The following OAS1 variants were observed in gnomAD, a reference collection of about 807,000 sequenced individuals.
The protein encoded by OAS1 is 2'-5'-oligoadenylate synthase 1.
OAS1 carries 24 observed loss-of-function variants against 38.5 expected under a neutral mutation model. The ratio of observed to expected loss-of-function variants is 0.62; its 90% confidence interval spans 0.45 to 0.88. The LOEUF (loss-of-function observed/expected upper bound fraction) is 0.88, where lower values mean the gene tolerates loss of function less well. Among genes scored for constraint, OAS1 ranks in the 40% least tolerant of loss-of-function variants. OAS1 has a pLI of 0.00. For synonymous variants in OAS1, 169 were observed against 193.9 expected (o/e 0.87, Z 1.07); for missense variants, 482 against 493.9 (o/e 0.98, Z 0.23).
At chr12:112,926,375 C>T (rs2043557999) in intron 6 of OAS1, among the ~76,000 whole-genome samples, 1 of 152,106 alleles carries the variant, frequency 6.6e-6, no homozygotes, top group Non-Finnish European at 1.5e-5. Context: ...GGAAACCAGC[C>T]CCCGATATTT....
intron 3 of OAS1, 97 bp downstream of exon 3, chr12:112,911,332 G>C: frequency 1.0e-6 from 1 of 955,122 alleles, no homozygotes; most frequent in Admixed American, 2.8e-5. Context: ...GGGAAGAGGA[G>C]GGGGAGTGGT....
intron 6 of OAS1, among the ~76,000 whole-genome samples, chr12:112,929,858 G>A (rs1362668852): frequency 6.6e-6 from 1 of 152,182 alleles, no homozygotes; most frequent in African/African-American, 2.4e-5. Flanking sequence ...AGTGTGCGTG[G>A]CCTTGCCTTG....
chr12:112,919,547 C>T lies in OAS1; in HGVS notation c.1197C>T (p.Ile399=), dbSNP rs1019690658. 6.2e-7 allele frequency: 1 copy of T among 1,614,214 alleles called. No homozygotes were observed. Among genetic ancestry groups the T allele is most frequent in the Non-Finnish European group, 8.5e-7 (1 of 1,180,032 alleles). ...CAGAAGAGGACTGGACCTGCACCAT[C>T]CTCTGAATGCCAGTGCATCTTGGGG... The part of the protein sequence containing the change: ...PQAEEDWTCT[I]L Residue 399 remains isoleucine, a synonymous_variant, in exon 6 of 6, where the codon ATC becomes ATT. Transcript: ENST00000202917.
intron 3 of OAS1, among the ~76,000 whole-genome samples, chr12:112,911,649 C>A (rs1033472746): frequency 6.6e-6 from 1 of 152,136 alleles, no homozygotes; most frequent in East Asian, 1.9e-4. Flanking sequence ...GTTCAGATGC[C>A]CTTTCCTCCC....
At chr12:112,912,375 T>A (rs2043396441) in intron 3 of OAS1, among the ~76,000 whole-genome samples, 1 of 152,144 alleles carries the variant, frequency 6.6e-6, no homozygotes, top group African/African-American at 2.4e-5. Context: ...AAAACTCGAA[T>A]TTGGGTCTAT....
At chr12:112,914,736 T>G (rs1387880771) in intron 3 of OAS1, among the ~76,000 whole-genome samples, 4 of 150,242 alleles carry the variant, frequency 2.7e-5, no homozygotes, top group African/African-American at 7.4e-5. Flanking sequence ...ATTTGTTTTT[T>G]TTTTTTTTTT....
At chr12:112,920,774 C>G (rs907465540), downstream of OAS1, among the ~76,000 whole-genome samples, 10 of 152,308 alleles carry the variant, frequency 6.6e-5, no homozygotes, top group Admixed American at 4.6e-4. Context: ...GGCTGGTAAG[C>G]AGCCTTTGGT....
rs774396349 is a variant in OAS1, at chr12:112,919,451, C to A, written c.1101C>A (p.Tyr367Ter). 1.2e-6 allele frequency: 2 copies of A among 1,614,076 alleles called. No individual in the cohort carries two copies. Among genetic ancestry groups the A allele is most frequent in the East Asian group, 4.5e-5 (2 of 44,898 alleles). ...DDPRRYQKYGYIGTHEYPHFS... is the reference protein window; with the variant it reads ...DDPRRYQKYG Reference sequence around the variant, plus strand: ...CCAGGAGGTATCAGAAATATGGTTACATTGGAACACATGAGTACCCTCATT... The same window carrying A: ...CCAGGAGGTATCAGAAATATGGTTAAATTGGAACACATGAGTACCCTCATT... Residue 367 changes from tyrosine to a stop codon, truncating the protein, a stop_gained, in exon 6 of 6, where the codon TAC becomes TAA. Coordinates refer to ENST00000202917, the MANE Select transcript of OAS1 (RefSeq NM_016816.4). LOFTEE classifies it low-confidence loss of function (END_TRUNC).
exon 7 of OAS1, chr12:112,932,015 A>G (rs1428281856): frequency 1.5e-6 from 1 of 680,574 alleles, no homozygotes; most frequent in South Asian, 1.6e-5. Flanking sequence ...AGCAAGGAAA[A>G]CCTTCAATAA....
At chr12:112,908,386 G>A in intron 1 of OAS1, 150 bp from the exon 2 acceptor site, 1 of 680,514 alleles carries the variant, frequency 1.5e-6, no homozygotes, top group Non-Finnish European at 2.4e-6. Flanking sequence ...CCAAATCATA[G>A]CATCATTGTG....
At chr12:112,908,445 T>A (rs1167101839) in intron 1 of OAS1, 91 bp from the exon 2 acceptor site, 5 of 1,228,950 alleles carry the variant, frequency 4.1e-6, no homozygotes, top group Non-Finnish European at 4.5e-6. Flanking sequence ...CAGTGGCTAG[T>A]GCTCCATAAT....
intron 5 of OAS1, 117 bp downstream of exon 5, chr12:112,917,817 A>G: frequency 6.2e-7 from 1 of 1,608,956 alleles, no homozygotes; most frequent in Non-Finnish European, 8.5e-7. Context: ...GGCCATTTAT[A>G]TTCATATAGT....
At chr12:112,917,761 A>T in intron 5 of OAS1, 61 bp downstream of exon 5, 3 of 1,614,162 alleles carry the variant, frequency 1.9e-6, no homozygotes, top group Non-Finnish European at 2.5e-6. Flanking sequence ...AGCTTGAGAC[A>T]TATAGCTGGA....
Position 112,908,668 on chromosome 12 carries a change from C to T in OAS1, c.313C>T (p.Gln105Ter). The T allele has an allele frequency of 1.9e-6, 3 of 1,614,208 alleles. No homozygotes were observed. The highest frequency in any genetic ancestry group is 1.7e-6 in the Non-Finnish European group (2 of 1,180,040). ...RGEFIQEIRR[Q>*]LEACQRERAF... is the part of the protein sequence containing the mutation. The stretch of plus-strand genomic sequence containing the variant: ...AGAGTTCATCCAGGAAATTAGGAGA[C>T]AGCTGGAAGCCTGTCAAAGAGAGAG... Residue 105 changes from glutamine to a stop codon, truncating the protein, a stop_gained, in exon 2 of 6, where the codon CAG becomes TAG. Coordinates refer to ENST00000202917, the MANE Select transcript of OAS1 (RefSeq NM_016816.4). LOFTEE classifies it high-confidence loss of function.
chr12:112,919,992 A>C (rs1317124429), downstream of OAS1: 3 of 301,042 alleles, frequency 1.0e-5, no homozygotes, highest in African/African-American at 6.3e-5. Context: ...ACATTGATTC[A>C]ACAAGAAATA....
intron 3 of OAS1, among the ~76,000 whole-genome samples, chr12:112,912,071 C>T (rs1037430304): frequency 6.6e-6 from 1 of 152,212 alleles, no homozygotes; most frequent in Non-Finnish European, 1.5e-5. Flanking sequence ...GGCGCGGTAG[C>T]TCACACCAGT....
At chr12:112,931,011 G>A (rs1316638909) in intron 6 of OAS1, among the ~76,000 whole-genome samples, 1 of 152,108 alleles carries the variant, frequency 6.6e-6, no homozygotes, top group African/African-American at 2.4e-5. Flanking sequence ...TCACTGATGG[G>A]TTCCATATTT....
chr12:112,911,447 G>C (rs565105942), intron 3 of OAS1, among the ~76,000 whole-genome samples: 1 of 151,884 alleles, frequency 6.6e-6, no homozygotes, highest in Non-Finnish European at 1.5e-5. Flanking sequence ...GAAAGGAAGG[G>C]ATTTTGGTGT....
intron 3 of OAS1, among the ~76,000 whole-genome samples, chr12:112,915,027 T>A (rs1228389954): frequency 6.6e-6 from 1 of 152,008 alleles, no homozygotes; most frequent in Non-Finnish European, 1.5e-5. Flanking sequence ...GGATATTAGT[T>A]GGATGTATAG....
Sources: allele counts gnomAD v4.1 joint callset (sites outside exome capture counted in the v4.1 genomes callset), GRCh38; gene constraint gnomAD v4.1.1; transcripts MANE v1.5; gene names NCBI Gene and HGNC (gene_info 2026-07-23, HGNC 2026-07-21).